PCDH9: variants seen among roughly 807,000 people sequenced by gnomAD.
PCDH9 encodes protocadherin 9.
A neutral mutation model predicts 70.6 loss-of-function variants in PCDH9; 24 were observed. The observed-to-expected ratio is 0.34, with a 90% CI of 0.25 to 0.48. The LOEUF (loss-of-function observed/expected upper bound fraction) is 0.48, where lower values mean the gene tolerates loss of function less well. Ranked by LOEUF, PCDH9 falls within the 20% of genes least tolerant of loss-of-function variation. The pLI is 0.99. For synonymous variants in PCDH9, 562 were observed against 558.5 expected (o/e 1.01, Z -0.09); for missense variants, 1,281 against 1,503.6 (o/e 0.85, Z 2.45).
intron 4 of PCDH9, among the ~76,000 whole-genome samples, chr13:66,408,215 C>A (rs992850740): frequency 6.6e-6 from 1 of 151,936 alleles, no homozygotes; most frequent in Non-Finnish European, 1.5e-5. Context: ...CCCGCCACCG[C>A]GCCCGGCTAA....
At chr13:66,629,001 A>G (rs2138927310) in intron 4 of PCDH9, among the ~76,000 whole-genome samples, 1 of 152,368 alleles carries the variant, frequency 6.6e-6, no homozygotes, top group Admixed American at 6.5e-5. Flanking sequence ...TTAGTTAACT[A>G]GAAAATTACC....
At chr13:66,455,304 A>C (rs541747228) in intron 4 of PCDH9, among the ~76,000 whole-genome samples, 1 of 151,724 alleles carries the variant, frequency 6.6e-6, no homozygotes, top group South Asian at 2.1e-4. Flanking sequence ...AGTTATAAAA[A>C]AGTAGAATTG....
chr13:66,879,036 C>G lies in PCDH9; in HGVS notation c.3138+24468G>C, dbSNP rs113637238. Among the ~76,000 whole-genome samples the G allele has an allele frequency of 5.3e-5, 8 of 152,240 alleles. 2 individuals carry two copies. The highest frequency in any genetic ancestry group is 1.9e-4 in the African/African-American group (8 of 41,550). Reference sequence around the variant, plus strand: ...GCATAACAAGGAGGAGGTATCACTACAGAAACAGTGAAGCTCTTATGTGTG... The same window carrying G: ...GCATAACAAGGAGGAGGTATCACTAGAGAAACAGTGAAGCTCTTATGTGTG... On this transcript the variant is annotated intron_variant, in intron 3 of 4. Coordinates refer to ENST00000377865, the MANE Select transcript of PCDH9 (RefSeq NM_203487.3).
At chr13:66,991,919 G>A (rs2084011005) in intron 2 of PCDH9, among the ~76,000 whole-genome samples, 1 of 152,002 alleles carries the variant, frequency 6.6e-6, no homozygotes, top group East Asian at 1.9e-4. Context: ...TGTTTAGGAA[G>A]GTAGATAAAG....
chr13:66,581,216 A>C (rs2076887396), intron 4 of PCDH9, among the ~76,000 whole-genome samples: 1 of 152,200 alleles, frequency 6.6e-6, no homozygotes, highest in East Asian at 1.9e-4. Flanking sequence ...AAAATGCTTT[A>C]GCTTACTACA....
intron 4 of PCDH9, among the ~76,000 whole-genome samples, chr13:66,553,487 A>G (rs1436805012): frequency 6.6e-6 from 1 of 152,192 alleles, no homozygotes; most frequent in Non-Finnish European, 1.5e-5. Context: ...AAGTGGCTTT[A>G]TTAACTACTT....
chr13:66,347,467 GAAA>G (rs1312840049), intron 4 of PCDH9, among the ~76,000 whole-genome samples: 4 of 151,160 alleles, frequency 2.6e-5, no homozygotes, highest in Admixed American at 2.0e-4. Context: ...CTATCACTCG[GAAA>G]AAAAACAAAA....
chr13:67,176,799 T>A (rs1224156514), intron 2 of PCDH9, among the ~76,000 whole-genome samples: 1 of 152,106 alleles, frequency 6.6e-6, no homozygotes, highest in Non-Finnish European at 1.5e-5. Context: ...GTGAGGATAC[T>A]TTTATCAACC....
chr13:67,016,461 G>A (rs2084563352), intron 2 of PCDH9, among the ~76,000 whole-genome samples: 1 of 152,134 alleles, frequency 6.6e-6, no homozygotes, highest in Non-Finnish European at 1.5e-5. Flanking sequence ...AGATGAATTT[G>A]ATAAATTGGA....
In PCDH9 at chr13:67,049,080, ATGTT is replaced by A. The variant is rs572203537; in HGVS notation, c.3037-145479_3037-145476del. 1.2e-3 allele frequency among the ~76,000 whole-genome samples: 187 copies of A among 152,314 alleles called. 1 individual carries two copies. The highest frequency in any genetic ancestry group is 4.2e-3 in the African/African-American group (176 of 41,576). ...TTTCTAATAAGAATAAAATTAAAAA[ATGTT>A]TGTTCTCTTTAACATTTAGCCTTCC... On this transcript the variant is annotated intron_variant, in intron 2 of 4. Transcript: ENST00000377865.
chr13:66,709,531 A>G (rs7322712), intron 3 of PCDH9, among the ~76,000 whole-genome samples: 2,976 of 152,264 alleles, frequency 0.02, 104 homozygotes, highest in African/African-American at 0.068. Flanking sequence ...TGAATTAACC[A>G]ATCTTAAAAA....
chr13:67,151,718 A>C (rs1051958212), intron 2 of PCDH9, among the ~76,000 whole-genome samples: 1 of 151,932 alleles, frequency 6.6e-6, no homozygotes, highest in African/African-American at 2.4e-5. Context: ...TCAATCTATC[A>C]AAACTGAGGC....
intron 2 of PCDH9, among the ~76,000 whole-genome samples, chr13:67,042,030 C>T (rs1184734254): frequency 1.3e-5 from 2 of 152,022 alleles, no homozygotes; most frequent in Non-Finnish European, 1.5e-5. Context: ...TGTTGTTGCC[C>T]TTACCAAAGC....
At chr13:67,214,296 C>T (rs902203892) in intron 2 of PCDH9, 6 of 152,154 alleles carry the variant, frequency 3.9e-5, no homozygotes, top group Non-Finnish European at 7.4e-5. Context: ...TACTTTGAGG[C>T]ATTTTAGCTG....
At chr13:66,396,741 G>A (rs1325678228) in intron 4 of PCDH9, among the ~76,000 whole-genome samples, 1 of 152,104 alleles carries the variant, frequency 6.6e-6, no homozygotes, top group Non-Finnish European at 1.5e-5. Context: ...TTCATATGAT[G>A]GTTGTAAGTA....
At chr13:66,889,409 T>C (rs909684087) in intron 3 of PCDH9, among the ~76,000 whole-genome samples, 11 of 152,222 alleles carry the variant, frequency 7.2e-5, no homozygotes, top group Non-Finnish European at 1.6e-4. Context: ...TCGTCACATA[T>C]CTCAAGGTCA....
At chr13:67,072,014 T>G (rs1446309104) in intron 2 of PCDH9, among the ~76,000 whole-genome samples, 1 of 152,102 alleles carries the variant, frequency 6.6e-6, no homozygotes. Flanking sequence ...GTTTGATAAC[T>G]GAAAGCTGTA....
At chr13:66,985,834 A>AC (rs1243456572) in intron 2 of PCDH9, 3 of 152,074 alleles carry the variant, frequency 2.0e-5, no homozygotes, top group Admixed American at 6.6e-5. Flanking sequence ...TTTCAATGCA[A>AC]CGCTGCACAC....
At chr13:67,155,771 G>GAAT (rs201716317) in intron 2 of PCDH9, among the ~76,000 whole-genome samples, 1 of 151,730 alleles carries the variant, frequency 6.6e-6, no homozygotes, top group Non-Finnish European at 1.5e-5. Flanking sequence ...TGTTTTGTGG[G>GAAT]AATAATAATA....
Sources: allele counts gnomAD v4.1 joint callset (sites outside exome capture counted in the v4.1 genomes callset), GRCh38; gene constraint gnomAD v4.1.1; transcripts MANE v1.5; gene names NCBI Gene and HGNC (gene_info 2026-07-23, HGNC 2026-07-21).